The following PPP1CC variants were observed in gnomAD, a reference collection of about 807,000 sequenced individuals.
The protein encoded by PPP1CC is serine/threonine-protein phosphatase PP1-gamma catalytic subunit.
A neutral mutation model predicts 38.4 loss-of-function variants in PPP1CC; 16 were observed. The observed-to-expected ratio is 0.42, with a 90% CI of 0.28 to 0.63. The LOEUF (loss-of-function observed/expected upper bound fraction) is 0.63, where lower values mean the gene tolerates loss of function less well. PPP1CC is among the 30% of genes least tolerant of loss of function. The pLI is 0.25. For missense variants in PPP1CC, 170 were observed against 391.3 expected, an observed-to-expected ratio of 0.43 and a Z score of 4.77; for synonymous variants, 158 against 136.0, an observed-to-expected ratio of 1.16 and a Z score of -1.13.
At chr12:110,733,052 G>C (rs146312168) in intron 1 of PPP1CC, 6 of 152,294 alleles carry the variant, frequency 3.9e-5, no homozygotes, top group African/African-American at 1.4e-4. Context: ...ATATGAAACA[G>C]ATGCATATTT....
At chr12:110,741,183 GTTTT>G (rs1045132178) in intron 1 of PPP1CC, among the ~76,000 whole-genome samples, 4 of 146,570 alleles carry the variant, frequency 2.7e-5, no homozygotes, top group Admixed American at 6.7e-5. Flanking sequence ...GACATTTAGT[GTTTT>G]TTTTGTTGTT....
chr12:110,712,618 C>T, the PPP1CC span, among the ~76,000 whole-genome samples: 68 of 107,504 alleles, frequency 6.3e-4, no homozygotes, highest in South Asian at 1.5e-3. Context: ...CCAGCCTGGG[C>T]GACAGAGAAA....
chr12:110,713,675 G>A, the PPP1CC span, among the ~76,000 whole-genome samples: 2 of 152,176 alleles, frequency 1.3e-5, no homozygotes, highest in Admixed American at 1.3e-4. Context: ...TTTTAACAGA[G>A]CTGTTCTGAT....
intron 2 of PPP1CC, among the ~76,000 whole-genome samples, chr12:110,731,265 T>A (rs1198941263): frequency 7.1e-6 from 1 of 140,860 alleles, no homozygotes; most frequent in Admixed American, 7.9e-5. Context: ...CCAAAGAACA[T>A]TTTACTTTTA....
chr12:110,723,535 G>A (rs936332725), intron 4 of PPP1CC, among the ~76,000 whole-genome samples: 2 of 152,066 alleles, frequency 1.3e-5, no homozygotes, highest in Admixed American at 6.5e-5. Flanking sequence ...TCAGAGATAG[G>A]GTCTTGCTCT....
the PPP1CC span, among the ~76,000 whole-genome samples, chr12:110,714,544 G>A: frequency 6.6e-6 from 1 of 151,622 alleles, no homozygotes; most frequent in East Asian, 1.9e-4. Context: ...AACTTGGGAA[G>A]GCCTGTAATC....
rs1022438409 is a variant in PPP1CC at position 110,720,231 on chromosome 12, A to G, written c.*845T>C. 3 of 1,507,472 alleles carry G rather than the reference A, an allele frequency of 2.0e-6. No homozygotes were observed. The highest frequency in any genetic ancestry group is 1.4e-5 in the African/African-American group (1 of 72,478). 93.4% of individuals were successfully genotyped at this position (1,507,472 alleles called of 1,614,324 possible). ...TGTAAAAAGATTACTTAATGAATAG[A>G]CTATATGGAAATTGTATAAAATGTT... On this transcript the variant is annotated 3_prime_UTR_variant, in exon 7 of 7. Coordinates refer to ENST00000335007, the MANE Select transcript of PPP1CC (RefSeq NM_002710.4).
Position 110,721,013 on chromosome 12 carries a change from C to A in PPP1CC, c.*63G>T, listed in dbSNP as rs747854784. 4.1e-6 allele frequency: 6 copies of A among 1,459,572 alleles called. No homozygotes were observed. The highest frequency in any genetic ancestry group is 2.3e-5 in the South Asian group (2 of 87,214). The allele number at this position is 1,459,572 out of a possible 1,614,324, so 90.4% of individuals were successfully genotyped here. On this transcript the variant is annotated 3_prime_UTR_variant, in exon 7 of 7. Coordinates refer to ENST00000335007, the MANE Select transcript of PPP1CC (RefSeq NM_002710.4). Reference sequence around the variant, plus strand: ...CAAGCTGACCAGTACACATTACAGTCTTAAAAATGAAGGTTATATACTCTA... The same window carrying A: ...CAAGCTGACCAGTACACATTACAGTATTAAAAATGAAGGTTATATACTCTA...
intron 3 of PPP1CC, chr12:110,725,249 A>C (rs2069783683): frequency 6.5e-6 from 1 of 152,802 alleles, no homozygotes; most frequent in African/African-American, 2.4e-5. Flanking sequence ...ATTCTGTTTG[A>C]AATTGTCTGC....
intron 3 of PPP1CC, among the ~76,000 whole-genome samples, chr12:110,729,536 C>T (rs570517177): frequency 1.3e-5 from 2 of 152,178 alleles, no homozygotes; most frequent in South Asian, 2.1e-4. Context: ...ATAGTCAAAT[C>T]GAAGTATACC....
intron 1 of PPP1CC, among the ~76,000 whole-genome samples, chr12:110,737,340 T>C (rs2069954745): frequency 6.6e-6 from 1 of 151,404 alleles, no homozygotes; most frequent in Non-Finnish European, 1.5e-5. Flanking sequence ...TAGCAGGGCA[T>C]GGTGGTACAT....
intron 1 of PPP1CC, among the ~76,000 whole-genome samples, chr12:110,734,469 G>A (rs192115930): frequency 5.6e-4 from 85 of 152,120 alleles, no homozygotes; most frequent in African/African-American, 1.8e-3. Flanking sequence ...TCAGCCTCCC[G>A]AGTACCTGGG....
intron 2 of PPP1CC, among the ~76,000 whole-genome samples, chr12:110,731,190 A>G (rs1390443603): frequency 6.8e-6 from 1 of 146,142 alleles, no homozygotes; most frequent in African/African-American, 2.5e-5. Context: ...ATACACACAT[A>G]CACACCACCC....
At chr12:110,730,316 G>A (rs1331574279) in intron 3 of PPP1CC, among the ~76,000 whole-genome samples, 2 of 152,178 alleles carry the variant, frequency 1.3e-5, no homozygotes, top group African/African-American at 2.4e-5. Flanking sequence ...GTAAGATGGT[G>A]CTACTGCACT....
At chr12:110,710,317 C>T in the PPP1CC span, among the ~76,000 whole-genome samples, 15 of 150,462 alleles carry the variant, frequency 1.0e-4, no homozygotes, top group Non-Finnish European at 1.8e-4. Flanking sequence ...CCAAGGTGGG[C>T]GGATCACCTG....
intron 6 of PPP1CC, 42 bp from the exon 7 acceptor site, chr12:110,721,207 C>T (rs1466639417): frequency 3.3e-6 from 5 of 1,534,016 alleles, no homozygotes; most frequent in African/African-American, 1.4e-5. Context: ...ATATACTCAA[C>T]CCCAAATCTT....
At chr12:110,741,924 A>G (rs2070021003) in intron 1 of PPP1CC, among the ~76,000 whole-genome samples, 1 of 152,250 alleles carries the variant, frequency 6.6e-6, no homozygotes, top group South Asian at 2.1e-4. Flanking sequence ...GTAATAATTC[A>G]TGGACGCAAA....
downstream of PPP1CC, among the ~76,000 whole-genome samples, chr12:110,717,589 G>T (rs1033553139): frequency 6.6e-6 from 1 of 151,834 alleles, no homozygotes; most frequent in African/African-American, 2.4e-5. Context: ...GTAGAGACAG[G>T]GTTTCACCGT....
chr12:110,742,072 A>G (rs184733893), intron 1 of PPP1CC, among the ~76,000 whole-genome samples: 164 of 152,322 alleles, frequency 1.1e-3, no homozygotes, highest in Admixed American at 1.9e-3. Context: ...TTTGGAGGGC[A>G]GGCGAAGACA....
Sources: gnomAD v4.1 joint callset for allele counts (sites outside exome capture counted in the v4.1 genomes callset) on GRCh38, gnomAD v4.1.1 for gene constraint, MANE v1.5 for transcripts, NCBI Gene and HGNC (gene_info 2026-07-23, HGNC 2026-07-21) for gene names.